The following DCUN1D4 variants were observed in gnomAD, a reference collection of about 807,000 sequenced individuals.
DCUN1D4 encodes the protein DCN1-like protein 4.
Under a neutral mutation model 47.9 loss-of-function variants are expected in DCUN1D4, and 22 were observed. The observed-to-expected ratio is 0.46, with a 90% CI of 0.33 to 0.66. The LOEUF (loss-of-function observed/expected upper bound fraction) is 0.66, where lower values mean the gene tolerates loss of function less well. Ranked by LOEUF, DCUN1D4 falls within the 30% of genes least tolerant of loss-of-function variation. The probability of loss-of-function intolerance (pLI) is 0.02; values close to 1 mark genes in which losing one functional copy is unlikely to be tolerated. For missense variants in DCUN1D4, 301 were observed against 340.8 expected, an observed-to-expected ratio of 0.88 and a Z score of 0.92; for synonymous variants, 121 against 112.2, an observed-to-expected ratio of 1.08 and a Z score of -0.50.
intron 3 of DCUN1D4, among the ~76,000 whole-genome samples, chr4:51,863,987 T>C (rs1410179471): frequency 6.6e-6 from 1 of 152,228 alleles, no homozygotes; most frequent in Non-Finnish European, 1.5e-5. Flanking sequence ...TTTTCATTTA[T>C]ATTAAAAAGG....
At chr4:51,905,298 C>G in intron 8 of DCUN1D4, 1 of 438,310 alleles carries the variant, frequency 2.3e-6, no homozygotes. Flanking sequence ...GCAGCAGGGC[C>G]CGCATCTGCC....
intron 1 of DCUN1D4, among the ~76,000 whole-genome samples, chr4:51,847,836 G>A (rs1722791588): frequency 6.6e-6 from 1 of 152,024 alleles, no homozygotes; most frequent in South Asian, 2.1e-4. Flanking sequence ...TGGAATCTCT[G>A]AAGCAGTGCT....
chr4:51,877,952 T>TGG, intron 5 of DCUN1D4, 98 bp downstream of exon 5: 1 of 794,494 alleles, frequency 1.3e-6, no homozygotes. Context: ...ATTTCAAATT[T>TGG]GGGTGTGTGT....
intron 6 of DCUN1D4, 39 bp downstream of exon 6, chr4:51,886,677 G>C (rs1729526085): frequency 6.7e-7 from 1 of 1,501,828 alleles, no homozygotes; most frequent in African/African-American, 1.4e-5. Context: ...TCAGTTGGTT[G>C]TTTTTCATAC....
Position 51,850,524 on chromosome 4 carries a change from C to T in DCUN1D4, c.25+7257C>T, listed in dbSNP as rs146192440. 1.8e-4 allele frequency among the ~76,000 whole-genome samples: 28 copies of T among 152,262 alleles called. No individual in the cohort carries two copies. In the East Asian group the frequency reaches 2.5e-3, roughly 14 times the overall value. On this transcript the variant is annotated intron_variant, in intron 1 of 10. Transcript: ENST00000334635. ...TAGAGTTACCCAGCTGCTCTGTGTG[C>T]GCTTCAGAGCCCTCATGCCTAAAAA...
chr4:51,908,885 G>A (rs986628841), intron 8 of DCUN1D4: 3 of 456,086 alleles, frequency 6.6e-6, no homozygotes, highest in African/African-American at 6.0e-5. Context: ...TTCAGATTGT[G>A]AGTGCATCCA....
At chr4:51,873,587 C>A (rs1727229061) in intron 3 of DCUN1D4, among the ~76,000 whole-genome samples, 1 of 152,174 alleles carries the variant, frequency 6.6e-6, no homozygotes, top group Non-Finnish European at 1.5e-5. Context: ...GTGTTAAGAA[C>A]AGGGCCTGGT....
intron 5 of DCUN1D4, among the ~76,000 whole-genome samples, chr4:51,885,308 A>G (rs565064455): frequency 2.0e-4 from 31 of 152,280 alleles, no homozygotes; most frequent in African/African-American, 7.5e-4. Flanking sequence ...GGTGCAGGAG[A>G]GGCACAATTA....
At chr4:51,882,465 G>A (rs1728809802) in intron 5 of DCUN1D4, among the ~76,000 whole-genome samples, 1 of 152,162 alleles carries the variant, frequency 6.6e-6, no homozygotes, top group African/African-American at 2.4e-5. Context: ...CGGCTTGCTA[G>A]GCTCAAGAAT....
At chr4:51,860,621 C>G (rs1272273613) in intron 1 of DCUN1D4, 2 of 455,276 alleles carry the variant, frequency 4.4e-6, no homozygotes, top group African/African-American at 4.0e-5. Context: ...GAATGGAGAG[C>G]AGGCACACCA....
At chr4:51,877,641 T>C (rs888829033) in intron 4 of DCUN1D4, 122 bp from the exon 5 acceptor site, 1 of 653,592 alleles carries the variant, frequency 1.5e-6, no homozygotes, top group Non-Finnish European at 2.6e-6. Flanking sequence ...ATAAAACGTT[T>C]AAAATATACT....
At chr4:51,894,001 G>A (rs1730845298) in intron 7 of DCUN1D4, among the ~76,000 whole-genome samples, 1 of 152,148 alleles carries the variant, frequency 6.6e-6, no homozygotes, top group South Asian at 2.1e-4. Flanking sequence ...CAATTTCCTG[G>A]AAGAGGTCTG....
chr4:51,913,168 A>G, intron 9 of DCUN1D4, 122 bp from the exon 10 acceptor site: 1 of 591,300 alleles, frequency 1.7e-6, no homozygotes, highest in Non-Finnish European at 2.9e-6. Context: ...GTGCTTAACA[A>G]ACCTCAAACA....
the DCUN1D4 span, among the ~76,000 whole-genome samples, chr4:51,836,334 T>C: frequency 3.9e-5 from 6 of 152,132 alleles, no homozygotes; most frequent in Non-Finnish European, 7.3e-5. Context: ...GCTGAGGCAG[T>C]GTAACAAAGT....
chr4:51,850,749 TG>T (rs1723244418), intron 1 of DCUN1D4, among the ~76,000 whole-genome samples: 2 of 152,064 alleles, frequency 1.3e-5, no homozygotes, highest in Admixed American at 1.3e-4. Context: ...CAGGCACCCC[TG>T]TGTGCGGGCG....
chr4:51,901,034 C>A (rs1390849816), intron 8 of DCUN1D4, among the ~76,000 whole-genome samples: 1 of 152,120 alleles, frequency 6.6e-6, no homozygotes, highest in Non-Finnish European at 1.5e-5. Context: ...CCACTGCAGC[C>A]TCACCGGTGG....
intron 8 of DCUN1D4, among the ~76,000 whole-genome samples, chr4:51,906,696 G>GA (rs1412591804): frequency 1.3e-5 from 2 of 152,168 alleles, no homozygotes; most frequent in South Asian, 2.1e-4. Flanking sequence ...CTATTACACT[G>GA]AAAATCTTAG....
At chr4:51,855,863 T>C (rs1724059708) in intron 1 of DCUN1D4, among the ~76,000 whole-genome samples, 1 of 152,210 alleles carries the variant, frequency 6.6e-6, no homozygotes, top group Admixed American at 6.5e-5. Flanking sequence ...AGAGGGCATG[T>C]GTTTCTAGAA....
chr4:51,835,594 G>T, the DCUN1D4 span, among the ~76,000 whole-genome samples: 3 of 152,176 alleles, frequency 2.0e-5, no homozygotes, highest in Non-Finnish European at 2.9e-5. Flanking sequence ...AGAAGCTATT[G>T]TGGGGGCCCA....
Sources: gnomAD v4.1 joint callset for allele counts (sites outside exome capture counted in the v4.1 genomes callset) on GRCh38, gnomAD v4.1.1 for gene constraint, MANE v1.5 for transcripts, NCBI Gene and HGNC (gene_info 2026-07-23, HGNC 2026-07-21) for gene names.